Variants in SGCD observed in about 807,000 individuals in gnomAD.
The protein encoded by SGCD is sarcoglycan delta.
In SGCD, 18 loss-of-function variants were observed where a neutral mutation model predicts 36.6. The observed-to-expected ratio is 0.49, with a 90% confidence interval of 0.34 to 0.73. The LOEUF is 0.73. SGCD is among the 30% of genes least tolerant of loss of function. The pLI, the probability that SGCD is intolerant of heterozygous loss-of-function variation, is 0.01. For synonymous variants in SGCD, 133 were observed against 130.6 expected (o/e 1.02, Z -0.12); for missense variants, 387 against 346.7 (o/e 1.12, Z -0.92).
At chr5:156,555,813 A>C (rs1758997344) in intron 4 of SGCD, among the ~76,000 whole-genome samples, 1 of 152,118 alleles carries the variant, frequency 6.6e-6, no homozygotes, top group South Asian at 2.1e-4. Context: ...CCACCAATCC[A>C]TGAACACAAG....
intron 6 of SGCD, among the ~76,000 whole-genome samples, chr5:156,601,206 C>T (rs1282820499): frequency 6.6e-6 from 1 of 152,126 alleles, no homozygotes; most frequent in African/African-American, 2.4e-5. Context: ...CTAAAAAATC[C>T]TTCCTTAGCC....
intron 1 of SGCD, among the ~76,000 whole-genome samples, chr5:156,082,269 G>A (rs1024400398): frequency 6.9e-5 from 10 of 145,940 alleles, no homozygotes; most frequent in African/African-American, 2.3e-4. Context: ...AGGCTGGTGG[G>A]CGGGGGGGTC....
At chr5:156,065,458 G>A (rs1760320233) in intron 1 of SGCD, among the ~76,000 whole-genome samples, 1 of 116,612 alleles carries the variant, frequency 8.6e-6, no homozygotes, top group African/African-American at 4.0e-5. Context: ...AGGTCTGCTT[G>A]GTGCAGAGCT....
Position 156,595,062 on chromosome 5 carries a change from T to C in SGCD, c.502+11T>C. On this transcript the variant is annotated intron_variant, in intron 6 of 8. Transcript: ENST00000337851. ...GATTACGAGTTTTAGGTAAGGAAACTTGAATCATTTAACTTGTTTGATGCT... is the reference window on the plus strand; with the variant it reads ...GATTACGAGTTTTAGGTAAGGAAACCTGAATCATTTAACTTGTTTGATGCT... 6.2e-7 allele frequency: 1 copy of C among 1,605,638 alleles called. No homozygotes were observed. The highest frequency in any genetic ancestry group is 8.5e-7 in the Non-Finnish European group (1 of 1,175,642).
intron 1 of SGCD, among the ~76,000 whole-genome samples, chr5:155,981,103 A>G (rs557716623): frequency 1.3e-5 from 2 of 152,308 alleles, no homozygotes; most frequent in Admixed American, 1.3e-4. Flanking sequence ...ATCCAGCTGG[A>G]AAGGCTCCAG....
At chr5:156,719,098 G>A (rs1262232319) in intron 7 of SGCD, among the ~76,000 whole-genome samples, 1 of 152,016 alleles carries the variant, frequency 6.6e-6, no homozygotes, top group Non-Finnish European at 1.5e-5. Flanking sequence ...AGTGGAAGGT[G>A]GGGAAAATAG....
chr5:155,961,317 A>G (rs1221054860), intron 1 of SGCD, among the ~76,000 whole-genome samples: 1 of 152,128 alleles, frequency 6.6e-6, no homozygotes, highest in Non-Finnish European at 1.5e-5. Flanking sequence ...TTGAGCAATT[A>G]CATTTAAATT....
chr5:155,755,656 G>GGTAGGCTGGATCCTTCT, the SGCD span, among the ~76,000 whole-genome samples: 1 of 152,114 alleles, frequency 6.6e-6, no homozygotes, highest in Non-Finnish European at 1.5e-5. Context: ...ATGCCCCTGG[G>GGTAGGCTGGATCCTTCT]GTAGGCTGGA....
At chr5:156,461,160 A>C (rs933902681) in intron 3 of SGCD, among the ~76,000 whole-genome samples, 1 of 152,068 alleles carries the variant, frequency 6.6e-6, no homozygotes, top group Non-Finnish European at 1.5e-5. Flanking sequence ...TCTTACAGCA[A>C]CTCTTCCCCT....
chr5:156,277,255 C>T (rs937157583), intron 3 of SGCD, among the ~76,000 whole-genome samples: 6 of 152,180 alleles, frequency 3.9e-5, no homozygotes, highest in Non-Finnish European at 1.5e-5. Flanking sequence ...TCCTTTCCCT[C>T]TTAACACCTT....
At chr5:156,464,244 A>G (rs1476106073) in intron 3 of SGCD, among the ~76,000 whole-genome samples, 1 of 147,644 alleles carries the variant, frequency 6.8e-6, no homozygotes, top group Non-Finnish European at 1.5e-5. Context: ...TTTTTGAGAA[A>G]GAGTCTCACC....
intron 5 of SGCD, among the ~76,000 whole-genome samples, chr5:156,594,138 T>C (rs1032819951): frequency 6.6e-6 from 1 of 152,206 alleles, no homozygotes; most frequent in African/African-American, 2.4e-5. Context: ...TTCTAGCTCA[T>C]CAACCTGGTT....
chr5:155,914,089 G>A (rs1208242354), intron 1 of SGCD, among the ~76,000 whole-genome samples: 1 of 152,140 alleles, frequency 6.6e-6, no homozygotes, highest in Non-Finnish European at 1.5e-5. Flanking sequence ...TAAGCAACTT[G>A]CCCAAATTTG....
intron 3 of SGCD, among the ~76,000 whole-genome samples, chr5:156,381,605 A>G (rs1394203069): frequency 6.6e-6 from 1 of 152,114 alleles, no homozygotes; most frequent in Non-Finnish European, 1.5e-5. Context: ...ATTAATCATT[A>G]TGCATTTTAT....
At chr5:156,754,768 GAT>G (rs996956428) in intron 7 of SGCD, among the ~76,000 whole-genome samples, 1 of 152,116 alleles carries the variant, frequency 6.6e-6, no homozygotes, top group East Asian at 1.9e-4. Context: ...GATTAAATGA[GAT>G]AACACATTAG....
At chr5:156,050,690 C>T (rs1326662577) in intron 1 of SGCD, among the ~76,000 whole-genome samples, 6 of 146,528 alleles carry the variant, frequency 4.1e-5, no homozygotes, top group Admixed American at 3.4e-4. Context: ...GGTCAGAAGT[C>T]CTAAAATCAA....
intron 7 of SGCD, among the ~76,000 whole-genome samples, chr5:156,704,467 A>G (rs1420670061): frequency 3.3e-5 from 5 of 151,960 alleles, no homozygotes; most frequent in Non-Finnish European, 7.4e-5. Context: ...CACTCCAACC[A>G]TGTAAGCTGA....
chr5:155,774,863 T>G, the SGCD span, among the ~76,000 whole-genome samples: 3 of 152,124 alleles, frequency 2.0e-5, no homozygotes, highest in Non-Finnish European at 2.9e-5. Flanking sequence ...AGGCCACTAT[T>G]CAGCTTTCCA....
At chr5:156,299,887 T>A (rs1476631039) in intron 3 of SGCD, among the ~76,000 whole-genome samples, 1 of 152,138 alleles carries the variant, frequency 6.6e-6, no homozygotes, top group Non-Finnish European at 1.5e-5. Flanking sequence ...GCAACCAGGA[T>A]AATTGGACTT....
Sources: gnomAD v4.1 joint callset for allele counts (sites outside exome capture counted in the v4.1 genomes callset) on GRCh38, gnomAD v4.1.1 for gene constraint, MANE v1.5 for transcripts, NCBI Gene and HGNC (gene_info 2026-07-23, HGNC 2026-07-21) for gene names.